CSTPP1: variants seen among roughly 807,000 people sequenced by gnomAD.
CSTPP1 encodes centriolar satellite-associated tubulin polyglutamylase complex regulator 1.
chr11:46,981,975 GA>G, the CSTPP1 span, among the ~76,000 whole-genome samples: 1 of 151,924 alleles, frequency 6.6e-6, no homozygotes, highest in East Asian at 1.9e-4. Context: ...ATAAATTTTA[GA>G]GGTCTATTAA....
At chr11:46,936,872 T>TG in the CSTPP1 span, 1 of 1,359,938 alleles carries the variant, frequency 7.4e-7, no homozygotes. Flanking sequence ...CCTTTAACTT[T>TG]GGGGAGGGAA....
the CSTPP1 span, among the ~76,000 whole-genome samples, chr11:47,030,713 C>T: frequency 2.0e-5 from 3 of 152,132 alleles, no homozygotes; most frequent in Non-Finnish European, 4.4e-5. Flanking sequence ...TGTTGTTCCC[C>T]TCTATGCATC....
At chr11:46,988,801 CAT>C in the CSTPP1 span, among the ~76,000 whole-genome samples, 1 of 152,094 alleles carries the variant, frequency 6.6e-6, no homozygotes, top group African/African-American at 2.4e-5. Context: ...GTTAACATTG[CAT>C]GTCTGTATCA....
the CSTPP1 span, among the ~76,000 whole-genome samples, chr11:46,972,842 A>G: frequency 6.6e-6 from 1 of 152,220 alleles, no homozygotes; most frequent in South Asian, 2.1e-4. Flanking sequence ...CTAGTTTGCA[A>G]TCATGATAAT....
the CSTPP1 span, among the ~76,000 whole-genome samples, chr11:47,004,730 GTCAAC>G: frequency 6.6e-6 from 1 of 152,128 alleles, no homozygotes; most frequent in African/African-American, 2.4e-5. Flanking sequence ...ACTTGAGTCA[GTCAAC>G]TCTATCCAAC....
the CSTPP1 span, among the ~76,000 whole-genome samples, chr11:47,027,729 C>A: frequency 6.6e-6 from 1 of 152,112 alleles, no homozygotes; most frequent in East Asian, 1.9e-4. Flanking sequence ...CAGCTCAGTT[C>A]TCACAGATGG....
the CSTPP1 span, among the ~76,000 whole-genome samples, chr11:47,061,630 TCAGTGATGTGGGCCCCAC>T: frequency 2.0e-5 from 3 of 152,310 alleles, no homozygotes; most frequent in African/African-American, 7.2e-5. Context: ...TGTGGTCTCT[TCAGTGATGTGGGCCCCAC>T]CAGCCAATTA....
chr11:47,096,227 A>AT, the CSTPP1 span, among the ~76,000 whole-genome samples: 1 of 152,224 alleles, frequency 6.6e-6, no homozygotes, highest in African/African-American at 2.4e-5. Context: ...AGAACTTACC[A>AT]TTTTCACCAT....
chr11:47,097,327 G>A, the CSTPP1 span, among the ~76,000 whole-genome samples: 11 of 125,804 alleles, frequency 8.7e-5, no homozygotes, highest in South Asian at 2.9e-4. Context: ...AGGGAGGTGG[G>A]GGGGTCAGCC....
chr11:46,970,291 C>A, the CSTPP1 span, among the ~76,000 whole-genome samples: 4 of 151,664 alleles, frequency 2.6e-5, no homozygotes, highest in African/African-American at 4.8e-5. Context: ...TGCCAAAGAA[C>A]AAATCTATTT....
the CSTPP1 span, among the ~76,000 whole-genome samples, chr11:47,045,218 G>A: frequency 2.6e-5 from 4 of 152,074 alleles, no homozygotes; most frequent in African/African-American, 9.7e-5. Context: ...CACTCCAGAA[G>A]GTAAAATAAA....
chr11:47,162,362 C>A, the CSTPP1 span: 1 of 571,930 alleles, frequency 1.7e-6, no homozygotes. Flanking sequence ...GACCTGGGGA[C>A]CTGCCTCAGA....
At chr11:47,003,330 G>A in the CSTPP1 span, among the ~76,000 whole-genome samples, 2 of 152,226 alleles carry the variant, frequency 1.3e-5, no homozygotes, top group Non-Finnish European at 2.9e-5. Flanking sequence ...TTAACCAGAA[G>A]ATCTTTAATG....
At chr11:47,137,502 G>A in the CSTPP1 span, 248,011 of 1,510,846 alleles carry the variant, frequency 0.16, 28,237 homozygotes, top group East Asian at 0.66. Context: ...CTGGAGGTTA[G>A]AGACTAGCAT....
the CSTPP1 span, among the ~76,000 whole-genome samples, chr11:47,075,016 A>G: frequency 6.6e-6 from 1 of 152,130 alleles, no homozygotes; most frequent in Admixed American, 6.5e-5. Flanking sequence ...ATAGTTATAG[A>G]CCCTCTAGAA....
chr11:47,132,586 T>A, the CSTPP1 span, among the ~76,000 whole-genome samples: 1 of 152,212 alleles, frequency 6.6e-6, no homozygotes, highest in Non-Finnish European at 1.5e-5. Context: ...CTTGTCTAAG[T>A]CATGCTGGTG....
chr11:47,135,536 G>A, the CSTPP1 span, among the ~76,000 whole-genome samples: 2 of 152,102 alleles, frequency 1.3e-5, no homozygotes, highest in South Asian at 2.1e-4. Flanking sequence ...GGAGTGTCTC[G>A]AAGTAGCAGA....
the CSTPP1 span, among the ~76,000 whole-genome samples, chr11:46,996,099 C>A: frequency 6.4e-4 from 97 of 152,178 alleles, no homozygotes; most frequent in African/African-American, 2.3e-3. Flanking sequence ...AGGATTGCAA[C>A]CCCTGCTTTT....
At chr11:47,005,148 AAG>A in the CSTPP1 span, among the ~76,000 whole-genome samples, 11,856 of 152,254 alleles carry the variant, frequency 0.078, 491 homozygotes, top group Non-Finnish European at 0.089. Context: ...CATAAGGAAA[AAG>A]AGATACTACA....
Sources: gnomAD v4.1 joint callset for allele counts (sites outside exome capture counted in the v4.1 genomes callset) on GRCh38, gnomAD v4.1.1 for gene constraint, MANE v1.5 for transcripts, NCBI Gene and HGNC (gene_info 2026-07-23, HGNC 2026-07-21) for gene names.